The following DDX1 variants were observed in gnomAD, a reference collection of about 807,000 sequenced individuals.
DDX1 encodes ATP-dependent RNA helicase DDX1.
Under a neutral mutation model 108.7 loss-of-function variants are expected in DDX1, and 28 were observed. The ratio of observed to expected loss-of-function variants is 0.26; its 90% CI spans 0.19 to 0.35. The LOEUF is 0.35. Ranked by LOEUF, DDX1 falls within the 10% of genes least tolerant of loss-of-function variation. The pLI, the probability that DDX1 is intolerant of heterozygous loss-of-function variation, is 1.00. For missense variants in DDX1, 710 were observed against 884.5 expected (o/e 0.80, Z 2.50); for synonymous variants, 295 against 288.9 (o/e 1.02, Z -0.21).
intron 12 of DDX1, among the ~76,000 whole-genome samples, chr2:15,606,743 T>G (rs1665668344): frequency 6.6e-6 from 1 of 152,232 alleles, no homozygotes; most frequent in Non-Finnish European, 1.5e-5. Context: ...TTAAAGTATA[T>G]TTCATAACTT....
chr2:15,626,929 C>T (rs2148749971), intron 19 of DDX1, 125 bp from the exon 20 acceptor site: 1 of 583,294 alleles, frequency 1.7e-6, no homozygotes, highest in South Asian at 2.4e-5. Context: ...TGGTTTATAG[C>T]AAGTTGGGGC....
At chr2:15,628,061 T>C (rs141803361) in intron 20 of DDX1, among the ~76,000 whole-genome samples, 1 of 152,336 alleles carries the variant, frequency 6.6e-6, no homozygotes, top group East Asian at 1.9e-4. Context: ...AGGTAAAATA[T>C]CTAGTATTCT....
intron 18 of DDX1, among the ~76,000 whole-genome samples, chr2:15,623,076 A>G (rs1246153661): frequency 6.6e-6 from 1 of 152,200 alleles, no homozygotes; most frequent in African/African-American, 2.4e-5. Flanking sequence ...AGGGAAGTTC[A>G]TGCAAGGCAG....
At chr2:15,629,498 C>CT in intron 23 of DDX1, 104 bp from the exon 24 acceptor site, 1 of 739,952 alleles carries the variant, frequency 1.4e-6, no homozygotes, top group Admixed American at 3.4e-5. Context: ...ATCTATTTTT[C>CT]TAGTGCCTTG....
intron 3 of DDX1, among the ~76,000 whole-genome samples, chr2:15,596,092 GC>G (rs1288663897): frequency 6.6e-6 from 1 of 152,062 alleles, no homozygotes. Flanking sequence ...TCACTATGCT[GC>G]CCAGTCTGGT....
chr2:15,592,444 A>G (rs1262830143), intron 1 of DDX1, among the ~76,000 whole-genome samples: 2 of 152,232 alleles, frequency 1.3e-5, no homozygotes, highest in African/African-American at 2.4e-5. Context: ...AAAACGTCCC[A>G]GGCATAAACC....
intron 6 of DDX1, among the ~76,000 whole-genome samples, chr2:15,600,763 T>C (rs1350235670): frequency 4.9e-5 from 7 of 144,020 alleles, no homozygotes; most frequent in Non-Finnish European, 4.6e-5. Flanking sequence ...TTTTTTTTTT[T>C]TTTGAGACAG....
At chr2:15,592,652 C>T (rs183410695) in intron 1 of DDX1, among the ~76,000 whole-genome samples, 2 of 152,182 alleles carry the variant, frequency 1.3e-5, no homozygotes, top group Non-Finnish European at 2.9e-5. Flanking sequence ...GATATTTTCG[C>T]CTCTTGCTTT....
chr2:15,611,907 G>A (rs7572124), intron 13 of DDX1, among the ~76,000 whole-genome samples: 12 of 27,330 alleles, frequency 4.4e-4, no homozygotes, highest in East Asian at 8.9e-3. Context: ...GGCTGGCCGG[G>A]CGGGGAGCTG....
intron 6 of DDX1, among the ~76,000 whole-genome samples, chr2:15,600,225 T>A (rs1373510288): frequency 1.3e-5 from 2 of 152,214 alleles, no homozygotes. Flanking sequence ...GACCTTACAG[T>A]GGCTTTTATC....
At chr2:15,595,632 C>T (rs1341802808) in intron 3 of DDX1, 79 bp downstream of exon 3, 1 of 980,080 alleles carries the variant, frequency 1.0e-6, no homozygotes, top group Non-Finnish European at 1.7e-6. Flanking sequence ...TGCTACTTTA[C>T]CTTTATTCAC....
intron 13 of DDX1, among the ~76,000 whole-genome samples, chr2:15,609,079 G>T (rs1454230435): frequency 6.6e-6 from 1 of 152,168 alleles, no homozygotes; most frequent in Non-Finnish European, 1.5e-5. Context: ...GTGGAGGGGA[G>T]AGAAACAAAA....
chr2:15,602,435 G>A (rs1665601543), intron 6 of DDX1, 113 bp from the exon 7 acceptor site: 3 of 702,160 alleles, frequency 4.3e-6, no homozygotes, highest in Middle Eastern at 2.4e-4. Context: ...AACAAATGAA[G>A]GAATTATCTT....
intron 20 of DDX1, among the ~76,000 whole-genome samples, chr2:15,627,860 C>G (rs115613803): frequency 0.019 from 2,836 of 152,292 alleles, 95 homozygotes; most frequent in African/African-American, 0.063. Context: ...TGCTACCCTT[C>G]TCAACCGTAG....
chr2:15,596,463 C>T (rs896978164), intron 3 of DDX1, among the ~76,000 whole-genome samples: 5 of 151,944 alleles, frequency 3.3e-5, no homozygotes, highest in African/African-American at 7.3e-5. Flanking sequence ...AGATGTTGTT[C>T]GGATACTTTT....
At chr2:15,628,416 C>CT (rs1417974317) in intron 20 of DDX1, 29 bp from the exon 21 acceptor site, 1 of 1,547,432 alleles carries the variant, frequency 6.5e-7, no homozygotes, top group African/African-American at 1.4e-5. Flanking sequence ...TGCTAACAAA[C>CT]TCCTTTCTCT....
intron 1 of DDX1, among the ~76,000 whole-genome samples, chr2:15,592,949 C>T (rs1368502799): frequency 6.6e-6 from 1 of 150,948 alleles, no homozygotes; most frequent in Admixed American, 6.6e-5. Context: ...GGGATGTAGT[C>T]TCCTTCTGTC....
intron 10 of DDX1, among the ~76,000 whole-genome samples, chr2:15,604,805 GGAGA>G (rs1237502827): frequency 3.9e-5 from 6 of 152,190 alleles, no homozygotes; most frequent in Admixed American, 6.5e-5. Context: ...GGAAGGAAGT[GGAGA>G]GTCATAGCGG....
chr2:15,623,371 A>G (rs1666041975), intron 18 of DDX1, 65 bp from the exon 19 acceptor site: 1 of 1,499,666 alleles, frequency 6.7e-7, no homozygotes, highest in Non-Finnish European at 9.2e-7. Flanking sequence ...GACTATAATT[A>G]TGTGTATTCA....
Sources: gnomAD v4.1 joint callset for allele counts (sites outside exome capture counted in the v4.1 genomes callset) on GRCh38, gnomAD v4.1.1 for gene constraint, MANE v1.5 for transcripts, NCBI Gene and HGNC (gene_info 2026-07-23, HGNC 2026-07-21) for gene names.